Variants in FER1L6 observed in about 807,000 individuals in gnomAD.
FER1L6 encodes fer-1-like protein 6.
Under a neutral mutation model 219.2 loss-of-function variants are expected in FER1L6, and 177 were observed. The observed-to-expected ratio is 0.81, with a 90% CI of 0.71 to 0.91. The LOEUF (loss-of-function observed/expected upper bound fraction) is 0.91, where lower values mean the gene tolerates loss of function less well. Among genes scored for constraint, FER1L6 ranks in the 40% least tolerant of loss-of-function variants. The pLI is 0.00. For missense variants in FER1L6, 2,153 were observed against 2,259.9 expected (o/e 0.95, Z 0.96); for synonymous variants, 768 against 824.3 (o/e 0.93, Z 1.17).
intron 1 of FER1L6, among the ~76,000 whole-genome samples, chr8:123,950,679 CATT>C (rs1814721514): frequency 1.3e-5 from 2 of 152,150 alleles, no homozygotes; most frequent in African/African-American, 4.8e-5. Context: ...ATTTGAATCT[CATT>C]ATAATGCTTG....
intron 12 of FER1L6, among the ~76,000 whole-genome samples, chr8:123,992,259 G>C (rs1339959620): frequency 6.6e-6 from 1 of 152,108 alleles, no homozygotes; most frequent in Non-Finnish European, 1.5e-5. Flanking sequence ...TTTTGGAATA[G>C]TTTCAGTAGA....
chr8:124,096,938 G>A (rs951918010), intron 35 of FER1L6, among the ~76,000 whole-genome samples: 2 of 152,056 alleles, frequency 1.3e-5, no homozygotes, highest in South Asian at 4.2e-4. Flanking sequence ...CATCTACCTG[G>A]TGGAGATGTT....
chr8:124,086,142 C>T (rs1821776751), intron 33 of FER1L6, among the ~76,000 whole-genome samples: 1 of 120,816 alleles, frequency 8.3e-6, no homozygotes, highest in African/African-American at 3.2e-5. Flanking sequence ...AGTATTGGGT[C>T]TTGTGTTTTT....
chr8:123,980,940 C>T, intron 11 of FER1L6, 129 bp downstream of exon 11: 1 of 752,044 alleles, frequency 1.3e-6, no homozygotes, highest in Non-Finnish European at 2.1e-6. Flanking sequence ...TGTGTTGGCC[C>T]AGCCCTGTGT....
intron 20 of FER1L6, among the ~76,000 whole-genome samples, chr8:124,042,963 G>C (rs1462229297): frequency 6.6e-6 from 1 of 152,172 alleles, no homozygotes; most frequent in Non-Finnish European, 1.5e-5. Flanking sequence ...GAGGGAAACA[G>C]ACTAAGTGGC....
At chr8:124,098,693 A>G (rs1023784963) in intron 37 of FER1L6, among the ~76,000 whole-genome samples, 1 of 152,212 alleles carries the variant, frequency 6.6e-6, no homozygotes, top group Non-Finnish European at 1.5e-5. Context: ...CCAGTTTAGG[A>G]AAGATTAATG....
chr8:123,953,498 G>T (rs923215906), intron 1 of FER1L6, among the ~76,000 whole-genome samples: 1 of 152,166 alleles, frequency 6.6e-6, no homozygotes, highest in Non-Finnish European at 1.5e-5. Flanking sequence ...CAGAAGGGCA[G>T]GGGTGCCTGT....
chr8:123,887,124 T>A (rs1817217853), intron 1 of FER1L6, among the ~76,000 whole-genome samples: 1 of 152,192 alleles, frequency 6.6e-6, no homozygotes, highest in Admixed American at 6.5e-5. Flanking sequence ...CCTGTTTTCC[T>A]GTACATAGTT....
intron 31 of FER1L6, among the ~76,000 whole-genome samples, chr8:124,074,217 T>C (rs1316409302): frequency 6.6e-6 from 1 of 152,236 alleles, no homozygotes; most frequent in African/African-American, 2.4e-5. Flanking sequence ...AAGATCATCA[T>C]TCAACTGGTC....
At chr8:123,989,072 A>G (rs1227981954) in intron 12 of FER1L6, among the ~76,000 whole-genome samples, 3 of 152,172 alleles carry the variant, frequency 2.0e-5, no homozygotes, top group Non-Finnish European at 4.4e-5. Flanking sequence ...CTTTTTCAAC[A>G]TAAATTGGAA....
At chr8:123,963,117 C>T (rs1815373958) in intron 2 of FER1L6, among the ~76,000 whole-genome samples, 161 bp from the exon 3 acceptor site, 1 of 152,238 alleles carries the variant, frequency 6.6e-6, no homozygotes, top group Admixed American at 6.5e-5. Flanking sequence ...ATGTATCTGG[C>T]ATTTCTGCCA....
intron 12 of FER1L6, among the ~76,000 whole-genome samples, chr8:123,995,379 AT>A (rs1449477532): frequency 2.0e-5 from 3 of 152,070 alleles, no homozygotes; most frequent in Non-Finnish European, 4.4e-5. Context: ...CAGGTTTTGC[AT>A]TTCTTTATGA....
intron 2 of FER1L6, among the ~76,000 whole-genome samples, chr8:123,956,343 T>G (rs561934285): frequency 1.3e-5 from 2 of 152,388 alleles, no homozygotes; most frequent in African/African-American, 4.8e-5. Context: ...TGTTCTTATT[T>G]GTCCTGTGAC....
chr8:123,955,280 G>A (rs1196437235), intron 1 of FER1L6, among the ~76,000 whole-genome samples: 1 of 152,148 alleles, frequency 6.6e-6, no homozygotes, highest in Non-Finnish European at 1.5e-5. Flanking sequence ...GGGTTGCAGT[G>A]GGTGGGGAGA....
rs181736003 is a variant in FER1L6, at chr8:123,879,891, G to T, written c.-8+27706G>T. On this transcript the variant is annotated intron_variant, in intron 1 of 40. Transcript: ENST00000522917. ...GATCTCAGAAGCTGTTTGTCCATTG[G>T]ATGCTGCCTTATTACCATGGGTTAA... Among the ~76,000 whole-genome samples the T allele has an allele frequency of 5.9e-5, 9 of 152,260 alleles. No individual in the cohort carries two copies. The East Asian group carries it at 1.7e-3, about 29-fold the overall frequency.
chr8:124,076,845 A>G (rs59583746), intron 32 of FER1L6, among the ~76,000 whole-genome samples: 121,219 of 152,158 alleles, frequency 0.8, 48,724 homozygotes, highest in Non-Finnish European at 0.86. Flanking sequence ...GGATTTTTCT[A>G]TCATATTATT....
In FER1L6 at chr8:123,857,872, TC is replaced by T. The variant is rs376043002; in HGVS notation, c.-8+5688del. ...GCAGAAACTAATTTATATGTTCACG[TC>T]TGTTCTCAAGCTCCTGGGGACTGAT... On this transcript the variant is annotated intron_variant, in intron 1 of 40. Coordinates refer to ENST00000522917, the MANE Select transcript of FER1L6 (RefSeq NM_001039112.2). 1.6e-4 allele frequency among the ~76,000 whole-genome samples: 24 copies of T among 152,350 alleles called. 1 individual carries two copies. In the South Asian group the frequency reaches 4.1e-3, roughly 26 times the overall value.
Position 124,118,891 on chromosome 8 carries a change from G to T in FER1L6, c.5337G>T (p.Glu1779Asp). 1 of 1,614,032 alleles carries T rather than the reference G, an allele frequency of 6.2e-7. No homozygotes were observed. Among genetic ancestry groups the T allele is most frequent in the East Asian group, 2.2e-5 (1 of 44,866 alleles). The change falls in exon 40 of 41, where the codon GAG (glutamate) becomes GAT (aspartate). Residue 1779 changes from glutamate to aspartate, a missense_variant. Coordinates refer to ENST00000522917, the MANE Select transcript of FER1L6 (RefSeq NM_001039112.2). Reference sequence around the variant, plus strand: ...ACCTAGTTACAGCAGAAGAAGCTGAGAAAAATCCTGTTGGAAAAGCCCGAA... The same window carrying T: ...ACCTAGTTACAGCAGAAGAAGCTGATAAAAATCCTGTTGGAAAAGCCCGAA... Reference protein sequence around the residue: ...EFHLVTAEEAEKNPVGKARKE... With the variant: ...EFHLVTAEEADKNPVGKARKE...
At position 124,041,317 on chromosome 8, in the gene FER1L6, T is replaced by C. The variant is rs536893539; in HGVS notation, c.2589+1311T>C. Among the ~76,000 whole-genome samples, 7 of 152,332 alleles carry C rather than the reference T, an allele frequency of 4.6e-5. No homozygotes were observed. In the East Asian group the frequency reaches 1.4e-3, roughly 29 times the overall value. On this transcript the variant is annotated intron_variant, in intron 20 of 40. Coordinates refer to ENST00000522917, the MANE Select transcript of FER1L6 (RefSeq NM_001039112.2). ...CAGATATTTAAGTTTATAAAATGAT[T>C]GATAAATGATGGCCATGACATTGGC...
Sources: allele counts gnomAD v4.1 joint callset (sites outside exome capture counted in the v4.1 genomes callset), GRCh38; gene constraint gnomAD v4.1.1; transcripts MANE v1.5; gene names NCBI Gene and HGNC (gene_info 2026-07-23, HGNC 2026-07-21).